Variants in RICTOR observed in about 807,000 individuals in gnomAD.
RICTOR encodes the protein rapamycin-insensitive companion of mTOR.
In RICTOR, 49 loss-of-function variants were observed where a neutral mutation model predicts 214.9. That is an observed-to-expected ratio of 0.23 (90% confidence interval 0.18 to 0.29). RICTOR has a LOEUF of 0.29. Ranked by LOEUF, RICTOR falls within the 10% of genes least tolerant of loss-of-function variation. The pLI, the probability that RICTOR is intolerant of heterozygous loss-of-function variation, is 1.00. For missense variants in RICTOR, 1,625 were observed against 2,047.0 expected (o/e 0.79, Z 3.98); for synonymous variants, 717 against 711.3 (o/e 1.01, Z -0.13).
intron 22 of RICTOR, 57 bp from the exon 23 acceptor site, chr5:38,958,888 T>C: frequency 1.6e-6 from 2 of 1,218,116 alleles, no homozygotes; most frequent in East Asian, 2.7e-5. Context: ...AAATAGCCTA[T>C]TTGATTTTAT....
At chr5:39,011,518 T>C (rs1261842211) in intron 3 of RICTOR, among the ~76,000 whole-genome samples, 4 of 152,134 alleles carry the variant, frequency 2.6e-5, no homozygotes, top group African/African-American at 9.7e-5. Flanking sequence ...CACCGACAGC[T>C]TGCACTGGGC....
At chr5:39,016,522 C>A (rs114474173) in intron 3 of RICTOR, among the ~76,000 whole-genome samples, 1,780 of 151,728 alleles carry the variant, frequency 0.012, 33 homozygotes, top group African/African-American at 0.041. Context: ...TAGTGAAATA[C>A]TGTGGGGGAA....
chr5:38,955,114 G>T (rs1579902375), intron 26 of RICTOR, among the ~76,000 whole-genome samples: 2 of 151,874 alleles, frequency 1.3e-5, no homozygotes, highest in Non-Finnish European at 2.9e-5. Context: ...CCACACATTA[G>T]TATTTAATGC....
At chr5:39,011,788 G>C (rs977653223) in intron 3 of RICTOR, among the ~76,000 whole-genome samples, 1 of 152,170 alleles carries the variant, frequency 6.6e-6, no homozygotes, top group African/African-American at 2.4e-5. Flanking sequence ...TTTGGAATGG[G>C]TGTATTTACC....
chr5:38,996,074 A>T (rs1476994485), intron 6 of RICTOR, among the ~76,000 whole-genome samples: 1 of 152,238 alleles, frequency 6.6e-6, no homozygotes, highest in Non-Finnish European at 1.5e-5. Context: ...AAAGATAGGA[A>T]GAGAAAAAAA....
chr5:39,005,994 A>G (rs1486908848), intron 3 of RICTOR, among the ~76,000 whole-genome samples: 2 of 152,222 alleles, frequency 1.3e-5, no homozygotes, highest in Non-Finnish European at 2.9e-5. Flanking sequence ...AGGTAGCCCC[A>G]GGATTAAACA....
At chr5:39,069,899 CCAGA>C (rs1759184851) in intron 2 of RICTOR, among the ~76,000 whole-genome samples, 1 of 152,228 alleles carries the variant, frequency 6.6e-6, no homozygotes, top group African/African-American at 2.4e-5. Flanking sequence ...CTTTTACCCA[CCAGA>C]CAGTTAATCA....
chr5:39,024,267 T>C (rs2150140376), intron 2 of RICTOR, among the ~76,000 whole-genome samples: 1 of 152,284 alleles, frequency 6.6e-6, no homozygotes, highest in Non-Finnish European at 1.5e-5. Flanking sequence ...CAGTCCAGGC[T>C]CAGGGGCTAG....
At chr5:39,062,025 A>C (rs542845128) in intron 2 of RICTOR, among the ~76,000 whole-genome samples, 36 of 152,206 alleles carry the variant, frequency 2.4e-4, no homozygotes, top group African/African-American at 7.7e-4. Context: ...ATTGTCATGT[A>C]AGAATTATTC....
Position 38,955,662 on chromosome 5 carries a change from T to G in RICTOR, c.2542A>C (p.Asn848His). 3 of 1,609,912 alleles carry G rather than the reference T, an allele frequency of 1.9e-6. No individual in the cohort carries two copies. The highest frequency in any genetic ancestry group is 2.6e-6 in the Non-Finnish European group (3 of 1,176,274). Residue 848 changes from asparagine to histidine, a missense_variant, in exon 26 of 38, where the codon AAT (asparagine) becomes CAT (histidine). Around this residue, in one of 5 missense-constraint regions of RICTOR, gnomAD observed 1,214 missense variants for 1,470.5 expected, o/e 0.83. Transcript: ENST00000357387. Reference sequence around the variant, plus strand: ...TTCCGGTAAGTAGTAAGTGCTTCATTGAGTTGTTCCTCAATCAAGTCAACA... The same window carrying G: ...TTCCGGTAAGTAGTAAGTGCTTCATGGAGTTGTTCCTCAATCAAGTCAACA... Reference protein sequence around the residue: ...KYVDLIEEQLNEALTTYRKPV... With the variant: ...KYVDLIEEQLHEALTTYRKPV...
At chr5:38,992,985 G>A (rs910986975) in intron 6 of RICTOR, among the ~76,000 whole-genome samples, 1 of 152,216 alleles carries the variant, frequency 6.6e-6, no homozygotes, top group African/African-American at 2.4e-5. Context: ...GAAGATCGAT[G>A]TAAGGTGAGA....
chr5:39,002,419 C>A, intron 5 of RICTOR, 116 bp downstream of exon 5: 2 of 615,772 alleles, frequency 3.2e-6, no homozygotes, highest in Non-Finnish European at 2.9e-6. Flanking sequence ...TATATATACA[C>A]ACACACAAAA....
At position 38,990,792 on chromosome 5, in the gene RICTOR, G is replaced by T. The variant is rs202173938; in HGVS notation, c.583+157C>A. Among the ~76,000 whole-genome samples the T allele has an allele frequency of 1.8e-3, 163 of 91,298 alleles. 7 individuals are homozygous for T. Among genetic ancestry groups the T allele is most frequent in the Middle Eastern group, 0.012 (2 of 162 alleles). The allele number at this position is 91,298 out of a possible 152,430, so 59.9% of individuals were successfully genotyped here. On this transcript the variant is annotated intron_variant, in intron 7 of 37. Transcript: ENST00000357387. ...TATATGATATATATGAGATATATGAGATATATGATATATATGAGATATATG... is the reference window on the plus strand; with the variant it reads ...TATATGATATATATGAGATATATGATATATATGATATATATGAGATATATG...
intron 31 of RICTOR, chr5:38,949,454 A>G (rs1748508641): frequency 1.3e-6 from 2 of 1,561,962 alleles, no homozygotes; most frequent in East Asian, 2.2e-5. Flanking sequence ...ATAAATAAAA[A>G]AAAGCTTGTG....
In RICTOR at chr5:38,996,735, G is replaced by T. The variant is rs534134354; in HGVS notation, c.456+84C>A. 191 of 785,232 alleles carry T rather than the reference G, an allele frequency of 2.4e-4. 2 individuals carry two copies. The South Asian group carries it at 3.2e-3, about 13-fold the overall frequency. The allele number at this position is 785,232 out of a possible 1,614,324, so 48.6% of individuals were successfully genotyped here. A position where few individuals can be genotyped will look rare whatever the true frequency, so the allele number is the denominator to read the frequency against. Reference sequence around the variant, plus strand: ...AAGTTTAGTCTTTAATCTTAATAAAGATTTCACAAAAGTCTAATCTAAAAA... The same window carrying T: ...AAGTTTAGTCTTTAATCTTAATAAATATTTCACAAAAGTCTAATCTAAAAA... On this transcript the variant is annotated intron_variant, in intron 6 of 37. Transcript: ENST00000357387.
chr5:39,058,042 G>A (rs922157767), intron 2 of RICTOR, among the ~76,000 whole-genome samples: 1 of 151,814 alleles, frequency 6.6e-6, no homozygotes, highest in African/African-American at 2.4e-5. Context: ...AACAACACAT[G>A]TTGCCAAGTT....
intron 5 of RICTOR, among the ~76,000 whole-genome samples, chr5:39,001,465 A>C (rs1753611452): frequency 6.6e-6 from 1 of 152,116 alleles, no homozygotes; most frequent in South Asian, 2.1e-4. Flanking sequence ...TGGTTCAAAG[A>C]CTTAAACACG....
chr5:38,946,367 T>C (rs1282317056), intron 33 of RICTOR, 101 bp downstream of exon 33: 1 of 729,426 alleles, frequency 1.4e-6, no homozygotes, highest in Non-Finnish European at 2.4e-6. Context: ...GATCCAAAAG[T>C]GAGTCTTCCT....
At chr5:39,019,291 T>G (rs1344241603) in intron 3 of RICTOR, among the ~76,000 whole-genome samples, 2 of 152,202 alleles carry the variant, frequency 1.3e-5, no homozygotes, top group Admixed American at 6.5e-5. Flanking sequence ...AGATTTTCAA[T>G]GCAGATGAAA....
Sources: allele counts gnomAD v4.1 joint callset (sites outside exome capture counted in the v4.1 genomes callset), GRCh38; gene constraint gnomAD v4.1.1; regional missense constraint gnomAD v4.1.1; transcripts MANE v1.5; gene names NCBI Gene and HGNC (gene_info 2026-07-23, HGNC 2026-07-21).